Variants in COLEC11 observed in about 807,000 individuals in gnomAD.
COLEC11 encodes collectin-11.
COLEC11 carries 20 observed loss-of-function variants against 27.3 expected under a neutral mutation model. The observed-to-expected ratio is 0.73, with a 90% CI of 0.51 to 1.06. The LOEUF is 1.06. COLEC11 is among the 50% of genes least tolerant of loss of function. COLEC11 has a pLI of 0.00. For synonymous variants in COLEC11, 163 were observed against 154.7 expected, an observed-to-expected ratio of 1.05 and a Z score of -0.40; for missense variants, 310 against 383.0, an observed-to-expected ratio of 0.81 and a Z score of 1.59.
At chr2:3,600,612 C>T (rs1267450637) in intron 1 of COLEC11, among the ~76,000 whole-genome samples, 2 of 152,210 alleles carry the variant, frequency 1.3e-5, no homozygotes, top group Non-Finnish European at 2.9e-5. Context: ...TAAACCCCGC[C>T]AGAGGAGAAG....
intron 2 of COLEC11, chr2:3,606,075 T>C: frequency 6.5e-7 from 1 of 1,549,506 alleles, no homozygotes; most frequent in Non-Finnish European, 8.7e-7. Context: ...GAAAGTGGCT[T>C]TGGCCCTGAC....
At chr2:3,596,441 A>G (rs1661847982) in intron 1 of COLEC11, among the ~76,000 whole-genome samples, 1 of 150,376 alleles carries the variant, frequency 6.6e-6, no homozygotes, top group Non-Finnish European at 1.5e-5. Context: ...GGTTCAAGCG[A>G]TTATCCTGCC....
intron 3 of COLEC11, among the ~76,000 whole-genome samples, chr2:3,623,334 C>T (rs1475930659): frequency 6.6e-6 from 1 of 152,172 alleles, no homozygotes; most frequent in Non-Finnish European, 1.5e-5. Flanking sequence ...ACATCACTCC[C>T]AAGTTTGGAA....
At chr2:3,616,495 G>A (rs1370881944) in intron 3 of COLEC11, among the ~76,000 whole-genome samples, 3 of 152,236 alleles carry the variant, frequency 2.0e-5, no homozygotes, top group African/African-American at 7.2e-5. Flanking sequence ...ACGAGACTCC[G>A]TCTGCAATCC....
intron 5 of COLEC11, among the ~76,000 whole-genome samples, chr2:3,641,743 C>T (rs115470444): frequency 0.022 from 3,400 of 152,166 alleles, 112 homozygotes; most frequent in African/African-American, 0.077. Context: ...CGTATGAGGG[C>T]GAGGAAGGTG....
chr2:3,630,075 G>C (rs56115915), intron 3 of COLEC11, among the ~76,000 whole-genome samples: 415 of 137,176 alleles, frequency 3.0e-3, no homozygotes, highest in Non-Finnish European at 4.4e-3. Flanking sequence ...TTGCATATCT[G>C]TTAATATGTG....
intron 2 of COLEC11, among the ~76,000 whole-genome samples, chr2:3,607,035 G>C (rs1201517547): frequency 2.0e-5 from 3 of 152,166 alleles, no homozygotes; most frequent in Non-Finnish European, 1.5e-5. Flanking sequence ...CCCCGGACAC[G>C]GGGTGGCATC....
chr2:3,633,501 C>T (rs192001849), intron 3 of COLEC11, among the ~76,000 whole-genome samples: 2 of 152,266 alleles, frequency 1.3e-5, no homozygotes, highest in Admixed American at 1.3e-4. Flanking sequence ...GGACCCAGTC[C>T]CTGCCATAGG....
intron 3 of COLEC11, chr2:3,617,670 G>T: frequency 6.2e-7 from 1 of 1,611,956 alleles, no homozygotes; most frequent in Non-Finnish European, 8.5e-7. Flanking sequence ...GCCATATCGG[G>T]TTTGTCAGAC....
intron 1 of COLEC11, among the ~76,000 whole-genome samples, chr2:3,598,555 C>T (rs6731055): frequency 0.1 from 15,180 of 152,166 alleles, 842 homozygotes; most frequent in Admixed American, 0.16. Flanking sequence ...AGCCTGGCAG[C>T]GAACAAGGAA....
chr2:3,624,495 T>C (rs1664391232), intron 3 of COLEC11, among the ~76,000 whole-genome samples: 1 of 152,184 alleles, frequency 6.6e-6, no homozygotes, highest in East Asian at 1.9e-4. Context: ...CAGACTTTTT[T>C]TGGGCAGCAT....
At chr2:3,637,949 C>T (rs914575483) in intron 4 of COLEC11, among the ~76,000 whole-genome samples, 3 of 152,162 alleles carry the variant, frequency 2.0e-5, no homozygotes, top group African/African-American at 7.2e-5. Flanking sequence ...ACGTAAGGAG[C>T]GGACGCACCC....
At chr2:3,604,786 T>G (rs1221777164) in intron 2 of COLEC11, among the ~76,000 whole-genome samples, 2 of 152,180 alleles carry the variant, frequency 1.3e-5, no homozygotes, top group African/African-American at 4.8e-5. Context: ...CCCCATGAGA[T>G]GATCTCATGT....
At chr2:3,600,572 T>G (rs986666120) in intron 1 of COLEC11, among the ~76,000 whole-genome samples, 32 of 152,178 alleles carry the variant, frequency 2.1e-4, no homozygotes, top group African/African-American at 7.5e-4. Context: ...GAATATGGTT[T>G]AAGAACGCAT....
chr2:3,633,186 G>A (rs972454767), intron 3 of COLEC11, among the ~76,000 whole-genome samples: 1 of 152,188 alleles, frequency 6.6e-6, no homozygotes, highest in Non-Finnish European at 1.5e-5. Context: ...AGGCTGACAA[G>A]TAGACCAGGA....
chr2:3,638,876 G>C (rs1187416706), intron 4 of COLEC11, among the ~76,000 whole-genome samples: 1 of 152,194 alleles, frequency 6.6e-6, no homozygotes, highest in Non-Finnish European at 1.5e-5. Context: ...GGGACATTGA[G>C]TACATTTGCA....
At chr2:3,599,038 T>C (rs1428325811) in intron 1 of COLEC11, among the ~76,000 whole-genome samples, 1 of 89,910 alleles carries the variant, frequency 1.1e-5, no homozygotes, top group Non-Finnish European at 2.3e-5. Context: ...GGGGAGAGGG[T>C]AGTCGGGCAG....
intron 3 of COLEC11, among the ~76,000 whole-genome samples, chr2:3,636,230 A>G (rs1487654427): frequency 1.3e-5 from 2 of 152,092 alleles, no homozygotes; most frequent in Admixed American, 6.6e-5. Flanking sequence ...GCCGAGGTGG[A>G]TGGATCACGC....
chr2:3,608,062 C>T (rs949767368), intron 2 of COLEC11, among the ~76,000 whole-genome samples: 40 of 152,222 alleles, frequency 2.6e-4, no homozygotes, highest in Non-Finnish European at 1.0e-4. Context: ...GGATCTTCCT[C>T]AACTGGCTAT....
Sources: allele counts gnomAD v4.1 joint callset (sites outside exome capture counted in the v4.1 genomes callset), GRCh38; gene constraint gnomAD v4.1.1; transcripts MANE v1.5; gene names NCBI Gene and HGNC (gene_info 2026-07-23, HGNC 2026-07-21).